GALNT7: variants seen among roughly 807,000 people sequenced by gnomAD.
GALNT7 encodes polypeptide N-acetylgalactosaminyltransferase 7, also known as N-acetylgalactosaminyltransferase 7.
A neutral mutation model predicts 82.1 loss-of-function variants in GALNT7; 60 were observed. That is an observed-to-expected ratio of 0.73 (90% CI 0.59 to 0.91). The LOEUF (loss-of-function observed/expected upper bound fraction) is 0.91, where lower values mean the gene tolerates loss of function less well. GALNT7 is among the 40% of genes least tolerant of loss of function. The pLI is 0.00. For synonymous variants in GALNT7, 243 were observed against 275.1 expected (o/e 0.88, Z 1.15); for missense variants, 660 against 804.2 (o/e 0.82, Z 2.17).
intron 1 of GALNT7, among the ~76,000 whole-genome samples, chr4:173,216,767 G>C (rs188431032): frequency 0.026 from 2,567 of 99,802 alleles, 84 homozygotes; most frequent in African/African-American, 0.09. Context: ...TCTCACTCTT[G>C]TCCCCCAGGC....
rs1733671915 is a variant in GALNT7, at chr4:173,222,304, G to A, written c.127-25676G>A. Among the ~76,000 whole-genome samples the A allele has an allele frequency of 2.0e-5, 3 of 151,890 alleles. No homozygotes were observed. The South Asian group carries it at 6.2e-4, about 31-fold the overall frequency. On this transcript the variant is annotated intron_variant, in intron 1 of 11. Coordinates refer to ENST00000265000, the MANE Select transcript of GALNT7 (RefSeq NM_017423.3). ...TTATTATTTTTTGAGATGGAGTCTC[G>A]CTCTGACCCCCAGGCTGGAGTGCAA...
chr4:173,269,406 A>G (rs888800199), intron 2 of GALNT7, among the ~76,000 whole-genome samples: 7 of 152,180 alleles, frequency 4.6e-5, no homozygotes, highest in Admixed American at 1.3e-4. Flanking sequence ...GGGCTTGGGA[A>G]GGCAGCTGGA....
intron 2 of GALNT7, among the ~76,000 whole-genome samples, chr4:173,276,434 G>T (rs935734040): frequency 3.3e-5 from 5 of 152,124 alleles, no homozygotes; most frequent in African/African-American, 1.2e-4. Context: ...CCAAGGAAAA[G>T]AAGAGAAAGT....
chr4:173,293,700 T>C (rs1736619092), intron 3 of GALNT7, among the ~76,000 whole-genome samples: 2 of 152,212 alleles, frequency 1.3e-5, no homozygotes, highest in South Asian at 4.1e-4. Flanking sequence ...TGGGCCGAAG[T>C]AAAAGCAAAC....
At chr4:173,222,215 A>G (rs1352162860) in intron 1 of GALNT7, among the ~76,000 whole-genome samples, 3 of 152,162 alleles carry the variant, frequency 2.0e-5, no homozygotes, top group African/African-American at 4.8e-5. Context: ...TTAATAATCT[A>G]TACCACATAT....
intron 1 of GALNT7, among the ~76,000 whole-genome samples, chr4:173,232,344 G>A (rs976222833): frequency 6.6e-6 from 1 of 151,720 alleles, no homozygotes; most frequent in African/African-American, 2.4e-5. Context: ...CATATGAATT[G>A]TACATATTTA....
At chr4:173,303,525 T>C (rs148809520) in intron 7 of GALNT7, among the ~76,000 whole-genome samples, 1 of 152,230 alleles carries the variant, frequency 6.6e-6, no homozygotes, top group African/African-American at 2.4e-5. Context: ...ATCAAAGATA[T>C]TAAGCAAGGG....
intron 9 of GALNT7, among the ~76,000 whole-genome samples, 179 bp downstream of exon 9, chr4:173,314,355 G>A (rs1459746222): frequency 6.6e-6 from 1 of 152,206 alleles, no homozygotes; most frequent in Non-Finnish European, 1.5e-5. Context: ...TGGCCACCAT[G>A]CTGTCTCCTG....
At position 173,248,400 on chromosome 4, in the gene GALNT7, A is replaced by G. The variant is rs767490531; in HGVS notation, c.547A>G (p.Ile183Val). The G allele has an allele frequency of 6.2e-7, 1 of 1,613,058 alleles. No individual in the cohort carries two copies. Among genetic ancestry groups the G allele is most frequent in the South Asian group, 1.1e-5 (1 of 91,074 alleles). Residue 183 changes from isoleucine to valine, a missense_variant, in exon 2 of 12, where the codon ATC (isoleucine) becomes GTC (valine). Physicochemically the swap from Ile to Val is conservative, Grantham distance 29. Transcript: ENST00000265000. Reference protein sequence around the residue: ...FGFNMVASDMISLDRSVNDLR... With the variant: ...FGFNMVASDMVSLDRSVNDLR... The stretch of plus-strand genomic sequence containing the variant: ...ATTTAACATGGTGGCAAGTGACATG[A>G]TCTCACTGGACCGCAGCGTCAATGA...
At chr4:173,177,416 T>C (rs1035004426) in intron 1 of GALNT7, among the ~76,000 whole-genome samples, 1 of 152,096 alleles carries the variant, frequency 6.6e-6, no homozygotes, top group Non-Finnish European at 1.5e-5. Context: ...GAATCAGAAG[T>C]GGATGCATTT....
intron 1 of GALNT7, among the ~76,000 whole-genome samples, chr4:173,215,702 A>G (rs1195099038): frequency 3.9e-5 from 6 of 152,252 alleles, no homozygotes; most frequent in Non-Finnish European, 8.8e-5. Context: ...TTCTGACAAT[A>G]GAACCATATA....
chr4:173,289,515 G>A (rs1167877997), intron 2 of GALNT7, among the ~76,000 whole-genome samples: 1 of 152,228 alleles, frequency 6.6e-6, no homozygotes, highest in Non-Finnish European at 1.5e-5. Context: ...TCTCATCTCT[G>A]TAGCAGTTTG....
chr4:173,173,391 A>T (rs558015875), intron 1 of GALNT7, among the ~76,000 whole-genome samples: 1 of 152,258 alleles, frequency 6.6e-6, no homozygotes, highest in East Asian at 1.9e-4. Context: ...TTTAGCCCTG[A>T]GTGACTGTCT....
intron 1 of GALNT7, among the ~76,000 whole-genome samples, chr4:173,189,425 A>C (rs182437699): frequency 6.6e-6 from 1 of 152,214 alleles, no homozygotes; most frequent in Non-Finnish European, 1.5e-5. Context: ...TTAGATTTCT[A>C]TTCATACAGA....
At chr4:173,314,653 C>T (rs1737527258) in intron 9 of GALNT7, among the ~76,000 whole-genome samples, 1 of 152,150 alleles carries the variant, frequency 6.6e-6, no homozygotes, top group Admixed American at 6.5e-5. Context: ...TCCAGGTGGA[C>T]TGATGCAGGG....
chr4:173,190,082 GC>G (rs1204179681), intron 1 of GALNT7, among the ~76,000 whole-genome samples: 2 of 150,108 alleles, frequency 1.3e-5, no homozygotes, highest in Admixed American at 6.6e-5. Flanking sequence ...AGGGATCCAT[GC>G]CCCTTCTCTC....
intron 2 of GALNT7, among the ~76,000 whole-genome samples, chr4:173,271,386 C>A (rs114782411): frequency 0.03 from 4,599 of 152,216 alleles, 118 homozygotes; most frequent in Middle Eastern, 0.051. Context: ...AAAGTAAAAA[C>A]AATCACCTGT....
At chr4:173,215,333 C>T (rs899627713) in intron 1 of GALNT7, among the ~76,000 whole-genome samples, 7 of 151,202 alleles carry the variant, frequency 4.6e-5, no homozygotes, top group East Asian at 2.0e-4. Flanking sequence ...TGGATTCAAG[C>T]GATTCTCCTG....
intron 9 of GALNT7, among the ~76,000 whole-genome samples, 177 bp downstream of exon 9, chr4:173,314,353 A>G (rs950695811): frequency 6.6e-6 from 1 of 152,158 alleles, no homozygotes; most frequent in Non-Finnish European, 1.5e-5. Flanking sequence ...GCTGGCCACC[A>G]TGCTGTCTCC....
Sources: allele counts gnomAD v4.1 joint callset (sites outside exome capture counted in the v4.1 genomes callset), GRCh38; gene constraint gnomAD v4.1.1; transcripts MANE v1.5; gene names NCBI Gene and HGNC (gene_info 2026-07-23, HGNC 2026-07-21).